The following VPS13C variants were observed in gnomAD, a reference collection of about 807,000 sequenced individuals.
VPS13C encodes the protein intermembrane lipid transfer protein VPS13C.
A neutral mutation model predicts 456.8 loss-of-function variants in VPS13C; 358 were observed. The observed-to-expected ratio is 0.78, with a 90% CI of 0.72 to 0.86. VPS13C has a LOEUF of 0.86. Among genes scored for constraint, VPS13C ranks in the 40% least tolerant of loss-of-function variants. The pLI, the probability that VPS13C is intolerant of heterozygous loss-of-function variation, is 0.00. For synonymous variants in VPS13C, 1,578 were observed against 1,486.7 expected (o/e 1.06, Z -1.41); for missense variants, 4,818 against 4,385.4 (o/e 1.10, Z -2.79).
chr15:61,905,226 A>G (rs1449319904), intron 66 of VPS13C, among the ~76,000 whole-genome samples: 4 of 152,188 alleles, frequency 2.6e-5, no homozygotes, highest in Admixed American at 2.0e-4. Flanking sequence ...AAAATATCAC[A>G]GGTATCCCCC....
At chr15:62,016,962 T>C (rs981446703) in intron 9 of VPS13C, among the ~76,000 whole-genome samples, 1 of 152,202 alleles carries the variant, frequency 6.6e-6, no homozygotes, top group African/African-American at 2.4e-5. Flanking sequence ...ATGATCGCCA[T>C]TCTAACTGGT....
chr15:61,933,973 T>A (rs1347721402), intron 49 of VPS13C, among the ~76,000 whole-genome samples: 2 of 152,150 alleles, frequency 1.3e-5, no homozygotes, highest in African/African-American at 4.8e-5. Flanking sequence ...TCAAAATGTG[T>A]TTTGGTGCTG....
intron 16 of VPS13C, among the ~76,000 whole-genome samples, chr15:61,994,194 T>C (rs1348647905): frequency 6.6e-6 from 1 of 152,190 alleles, no homozygotes; most frequent in Non-Finnish European, 1.5e-5. Flanking sequence ...GTTAGATAGA[T>C]CAAATTGCCT....
Position 61,974,416 on chromosome 15 carries a change from A to T in VPS13C, c.2410T>A (p.Phe804Ile). The change falls in exon 25 of 85, where the codon TTT becomes ATT. Residue 804 changes from phenylalanine (F) to isoleucine (I), a missense_variant and splice_region_variant. Phe to Ile is a conservative substitution (Grantham distance 21, BLOSUM62 0). Coordinates refer to ENST00000644861, the MANE Select transcript of VPS13C (RefSeq NM_020821.3). ...AAAGGAAGTCCTCCTGACACTTTAA[A>T]TCTAAAAATACAATTCAGTGGTTTT... ...MVEKDIRMAR[F>I]KVSGGLPLMH... 2 of 1,611,450 alleles carry T rather than the reference A, an allele frequency of 1.2e-6. No homozygotes were observed. Among genetic ancestry groups the T allele is most frequent in the South Asian group, 1.1e-5 (1 of 90,930 alleles).
chr15:61,892,644 A>T (rs954258652), intron 66 of VPS13C, among the ~76,000 whole-genome samples: 5 of 152,218 alleles, frequency 3.3e-5, no homozygotes, highest in African/African-American at 1.2e-4. Context: ...CCAAACAGAC[A>T]AAGCAAAGTG....
At chr15:61,906,735 A>T (rs994929170) in intron 66 of VPS13C, 1 of 159,636 alleles carries the variant, frequency 6.3e-6, no homozygotes, top group Non-Finnish European at 1.4e-5. Flanking sequence ...AGGATGGTAT[A>T]TGAATTCTTT....
Position 61,974,407 on chromosome 15 carries a change from A to C in VPS13C, c.2419T>G (p.Ser807Ala). The change falls in exon 25 of 85, where the codon TCA becomes GCA. Residue 807 changes from serine to alanine, a missense_variant. Ser to Ala is a moderately conservative substitution (Grantham distance 99). This residue lies in a region of VPS13C where 4,552 missense variants were observed against 4,130.6 expected (regional missense o/e 1.10). Coordinates refer to ENST00000644861, the MANE Select transcript of VPS13C (RefSeq NM_020821.3). ...ACATGCATCAAAGGAAGTCCTCCTGACACTTTAAATCTAAAAATACAATTC... is the reference window on the plus strand; with the variant it reads ...ACATGCATCAAAGGAAGTCCTCCTGCCACTTTAAATCTAAAAATACAATTC... ...KDIRMARFKV[S>A]GGLPLMHVRI... The C allele has an allele frequency of 6.2e-7, 1 of 1,611,962 alleles. No individual in the cohort carries two copies. Among genetic ancestry groups the C allele is most frequent in the Non-Finnish European group, 8.5e-7 (1 of 1,178,646 alleles).
At chr15:62,008,518 C>A in intron 14 of VPS13C, 137 bp downstream of exon 14, 1 of 480,074 alleles carries the variant, frequency 2.1e-6, no homozygotes, top group Non-Finnish European at 3.6e-6. Flanking sequence ...AATATATTTA[C>A]CATTTGTCTT....
At chr15:61,891,357 T>C (rs2042645105) in intron 66 of VPS13C, among the ~76,000 whole-genome samples, 2 of 152,154 alleles carry the variant, frequency 1.3e-5, no homozygotes, top group Admixed American at 6.5e-5. Context: ...ACCAAGAGTA[T>C]AAGAATAGTT....
intron 24 of VPS13C, among the ~76,000 whole-genome samples, chr15:61,975,046 A>T (rs1360627239): frequency 6.6e-6 from 1 of 152,076 alleles, no homozygotes; most frequent in Non-Finnish European, 1.5e-5. Flanking sequence ...GTTGTTGTTT[A>T]TCTTTGGCTT....
At chr15:62,050,365 T>C (rs568959109) in intron 1 of VPS13C, among the ~76,000 whole-genome samples, 2 of 152,310 alleles carry the variant, frequency 1.3e-5, no homozygotes, top group South Asian at 2.1e-4. Flanking sequence ...GTAGACAATA[T>C]ACACAGTAAG....
At position 61,922,771 on chromosome 15, in the gene VPS13C, A is replaced by C. The variant is rs2043703875; in HGVS notation, c.6610-9T>G. The C allele has an allele frequency of 6.5e-7, 1 of 1,548,084 alleles. No homozygotes were observed. The highest frequency in any genetic ancestry group is 8.7e-7 in the Non-Finnish European group (1 of 1,153,446). On this transcript the variant is annotated splice_polypyrimidine_tract_variant and intron_variant, in intron 53 of 84. Transcript: ENST00000644861. ...AGAATTATGGGTGAAATCTTTAAAA[A>C]AGAAAGCAGAAAAATATTTATAATA...
At chr15:61,971,601 AC>A (rs1195204018) in intron 27 of VPS13C, among the ~76,000 whole-genome samples, 1 of 152,196 alleles carries the variant, frequency 6.6e-6, no homozygotes, top group African/African-American at 2.4e-5. Context: ...AAATGACAGA[AC>A]AGAGTACCTG....
intron 82 of VPS13C, among the ~76,000 whole-genome samples, chr15:61,862,354 C>A (rs189510126): frequency 5.3e-5 from 8 of 152,032 alleles, no homozygotes; most frequent in Admixed American, 3.3e-4. Context: ...TGAAGAAAAA[C>A]CAGATATATA....
At position 61,910,190 on chromosome 15, in the gene VPS13C, C is replaced by G; in HGVS notation, c.8831G>C (p.Ser2944Thr). 7.1e-7 allele frequency: 1 copy of G among 1,403,792 alleles called. No individual in the cohort carries two copies. Among genetic ancestry groups the G allele is most frequent in the Non-Finnish European group, 9.3e-7 (1 of 1,070,898 alleles). 87.0% of individuals were successfully genotyped at this position (1,403,792 alleles called of 1,614,324 possible). A position where few individuals can be genotyped will look rare whatever the true frequency, so the allele number is the denominator to read the frequency against. ...YNRQDNGTLL[S>T]LEDLNGGILV... is the part of the protein sequence containing the mutation. ...ATGAAAACTTACCAGATCTTCTAAG[C>G]TCAATAAAGTGCCATTATCCTGTCG... is the stretch of plus-strand genomic sequence containing the variant. Residue 2944 changes from serine to threonine, a missense_variant, in exon 64 of 85, where the codon AGC becomes ACC. Physicochemically the swap from Ser to Thr is moderately conservative, Grantham distance 58. Coordinates refer to ENST00000644861, the MANE Select transcript of VPS13C (RefSeq NM_020821.3).
intron 49 of VPS13C, among the ~76,000 whole-genome samples, chr15:61,933,743 C>G (rs999912636): frequency 2.0e-5 from 3 of 151,904 alleles, no homozygotes; most frequent in African/African-American, 7.3e-5. Context: ...TAATTAGTAT[C>G]CTTAATACAT....
chr15:61,936,421 T>A (rs1596353125), intron 48 of VPS13C, among the ~76,000 whole-genome samples, 176 bp downstream of exon 48: 2 of 151,928 alleles, frequency 1.3e-5, no homozygotes, highest in African/African-American at 4.8e-5. Flanking sequence ...AAGTGACCCT[T>A]CCCCCTGTAG....
intron 15 of VPS13C, among the ~76,000 whole-genome samples, chr15:62,001,855 T>G (rs2046630322): frequency 6.6e-6 from 1 of 152,248 alleles, no homozygotes; most frequent in African/African-American, 2.4e-5. Context: ...AACTCATCAT[T>G]TTTTATGACT....
intron 45 of VPS13C, among the ~76,000 whole-genome samples, chr15:61,945,152 T>C (rs1357748471): frequency 1.3e-5 from 2 of 152,238 alleles, no homozygotes; most frequent in African/African-American, 2.4e-5. Context: ...CATGATTCAG[T>C]TTCCTGAGGC....
Sources: allele counts gnomAD v4.1 joint callset (sites outside exome capture counted in the v4.1 genomes callset), GRCh38; gene constraint gnomAD v4.1.1; regional missense constraint gnomAD v4.1.1; transcripts MANE v1.5; gene names NCBI Gene and HGNC (gene_info 2026-07-23, HGNC 2026-07-21).